Variants in STAG1 observed in about 807,000 individuals in gnomAD.
STAG1 encodes cohesin subunit SA-1.
STAG1 carries 26 observed loss-of-function variants against 170.9 expected under a neutral mutation model. The ratio of observed to expected loss-of-function variants is 0.15; its 90% CI spans 0.11 to 0.21. The LOEUF is 0.21. Ranked by LOEUF, STAG1 falls within the 10% of genes least tolerant of loss-of-function variation. The pLI, the probability that STAG1 is intolerant of heterozygous loss-of-function variation, is 1.00. For synonymous variants in STAG1, 514 were observed against 497.7 expected (o/e 1.03, Z -0.44); for missense variants, 964 against 1,509.5 (o/e 0.64, Z 5.99).
intron 4 of STAG1, among the ~76,000 whole-genome samples, chr3:136,592,032 C>T (rs1214354614): frequency 6.6e-6 from 1 of 151,978 alleles, no homozygotes; most frequent in African/African-American, 2.4e-5. Flanking sequence ...TGGGTCAAAA[C>T]CATCAAACTG....
chr3:136,405,574 G>C (rs963119999), intron 21 of STAG1, among the ~76,000 whole-genome samples: 1 of 151,520 alleles, frequency 6.6e-6, no homozygotes, highest in Non-Finnish European at 1.5e-5. Context: ...AAATATGTTA[G>C]GCCAGGTGTG....
At chr3:136,670,399 C>T (rs1233012167) in intron 1 of STAG1, among the ~76,000 whole-genome samples, 1 of 152,152 alleles carries the variant, frequency 6.6e-6, no homozygotes, top group Non-Finnish European at 1.5e-5. Flanking sequence ...ATTTAATTTA[C>T]CACAAAGAAA....
chr3:136,531,655 C>G (rs972301168), intron 6 of STAG1, among the ~76,000 whole-genome samples: 7 of 149,304 alleles, frequency 4.7e-5, no homozygotes, highest in East Asian at 2.0e-4. Flanking sequence ...TAAACTATCG[C>G]AAGAACAAAA....
At chr3:136,453,797 T>C (rs1451262031) in intron 13 of STAG1, among the ~76,000 whole-genome samples, 4 of 151,066 alleles carry the variant, frequency 2.6e-5, no homozygotes, top group Non-Finnish European at 4.4e-5. Context: ...TACTAGTTTA[T>C]ACATAAAAGT....
rs751785717 is a variant in STAG1, at chr3:136,422,390, A to G, written c.2037+20T>C. On this transcript the variant is annotated intron_variant, in intron 19 of 33. Transcript: ENST00000383202. Reference sequence around the variant, plus strand: ...TCTCAGTCAATATTATTATATGTACACATTAACTTTAGAACAGACCTCTTG... The same window carrying G: ...TCTCAGTCAATATTATTATATGTACGCATTAACTTTAGAACAGACCTCTTG... The G allele has an allele frequency of 3.1e-6, 5 of 1,602,154 alleles. No homozygotes were observed. The highest frequency in any genetic ancestry group is 4.3e-6 in the Non-Finnish European group (5 of 1,169,484).
At chr3:136,478,019 A>G (rs2089800918) in intron 9 of STAG1, among the ~76,000 whole-genome samples, 1 of 151,988 alleles carries the variant, frequency 6.6e-6, no homozygotes. Context: ...TGAACTCCTG[A>G]CCTCAAGTGA....
chr3:136,653,555 ATATT>A (rs1195517648), intron 1 of STAG1, among the ~76,000 whole-genome samples: 7 of 152,166 alleles, frequency 4.6e-5, no homozygotes, highest in African/African-American at 1.7e-4. Flanking sequence ...CACTATACAC[ATATT>A]TACTAATTAA....
At chr3:136,731,296 G>A (rs942746706) in intron 1 of STAG1, among the ~76,000 whole-genome samples, 2 of 151,916 alleles carry the variant, frequency 1.3e-5, no homozygotes, top group South Asian at 4.1e-4. Context: ...GCAAAGGGTG[G>A]ATATTTGCTG....
At chr3:136,665,031 C>T (rs1054817574) in intron 1 of STAG1, among the ~76,000 whole-genome samples, 2 of 152,194 alleles carry the variant, frequency 1.3e-5, no homozygotes, top group African/African-American at 4.8e-5. Context: ...TTTGAAATTG[C>T]TTGGGACTTG....
chr3:136,518,121 CAT>C (rs1193040501), intron 7 of STAG1: 3 of 364,454 alleles, frequency 8.2e-6, no homozygotes, highest in Admixed American at 4.5e-5. Context: ...AACAGGGACA[CAT>C]ATTGAATTCA....
At chr3:136,393,218 C>T (rs2108330944) in intron 22 of STAG1, among the ~76,000 whole-genome samples, 1 of 152,182 alleles carries the variant, frequency 6.6e-6, no homozygotes, top group South Asian at 2.1e-4. Flanking sequence ...CCAGTATCTA[C>T]CATACTACAT....
intron 1 of STAG1, chr3:136,736,949 C>A: frequency 6.3e-7 from 1 of 1,597,076 alleles, no homozygotes; most frequent in Non-Finnish European, 8.6e-7. Context: ...TCCACAGCCT[C>A]AAAAGCCTTT....
At chr3:136,477,096 T>A (rs536849320) in intron 10 of STAG1, among the ~76,000 whole-genome samples, 193 bp downstream of exon 10, 3 of 152,210 alleles carry the variant, frequency 2.0e-5, no homozygotes, top group Admixed American at 6.5e-5. Context: ...CTAAACAAGA[T>A]AGGGTCTTCA....
chr3:136,549,334 G>T (rs1370070333), intron 5 of STAG1, among the ~76,000 whole-genome samples: 4 of 151,534 alleles, frequency 2.6e-5, no homozygotes, highest in Non-Finnish European at 5.9e-5. Flanking sequence ...CCTTGAGACA[G>T]AGTTTCACAC....
Position 136,349,314 on chromosome 3 carries a change from C to G in STAG1, c.3115G>C (p.Glu1039Gln). The change falls in exon 29 of 34, where the codon GAG becomes CAG. Residue 1039 changes from glutamate (E) to glutamine (Q), a missense_variant. Physicochemically the swap from Glu to Gln is conservative, Grantham distance 29. Around this residue, in one of 11 missense-constraint regions of STAG1, gnomAD observed 149 missense variants for 301.3 expected, o/e 0.49. Transcript: ENST00000383202. The stretch of plus-strand genomic sequence containing the variant: ...GAGATGAGTGGAAGCCATACATCCT[C>G]CCTCCTTTCCATCATCTGCTCGGTA... ...FLTEQMMERREDVWLPLISYR... is the reference protein window; with the variant it reads ...FLTEQMMERRQDVWLPLISYR... 1 of 1,614,024 alleles carries G rather than the reference C, an allele frequency of 6.2e-7. No individual in the cohort carries two copies.
chr3:136,559,155 A>ATCTG (rs1289181556), intron 5 of STAG1, among the ~76,000 whole-genome samples: 7 of 151,992 alleles, frequency 4.6e-5, no homozygotes, highest in Non-Finnish European at 7.4e-5. Context: ...CTATCTATCT[A>ATCTG]TCTATCTATA....
chr3:136,712,415 A>C (rs1305197167), intron 1 of STAG1, among the ~76,000 whole-genome samples: 2 of 152,212 alleles, frequency 1.3e-5, no homozygotes, highest in African/African-American at 4.8e-5. Context: ...AAACTGACAA[A>C]TGCCTTATAT....
intron 1 of STAG1, among the ~76,000 whole-genome samples, chr3:136,703,663 T>C (rs1321717086): frequency 6.6e-6 from 1 of 152,170 alleles, no homozygotes; most frequent in Non-Finnish European, 1.5e-5. Flanking sequence ...GCAAGAGTTC[T>C]TCCTTATCAG....
chr3:136,488,827 T>C (rs61400878), intron 9 of STAG1, among the ~76,000 whole-genome samples: 14,500 of 152,258 alleles, frequency 0.095, 2,297 homozygotes, highest in African/African-American at 0.33. Context: ...TCTTTTGATA[T>C]AAACATATTT....
Sources: allele counts gnomAD v4.1 joint callset (sites outside exome capture counted in the v4.1 genomes callset), GRCh38; gene constraint gnomAD v4.1.1; regional missense constraint gnomAD v4.1.1; transcripts MANE v1.5; gene names NCBI Gene and HGNC (gene_info 2026-07-23, HGNC 2026-07-21).